The following FHIT variants were observed in gnomAD, a reference collection of about 807,000 sequenced individuals.
The protein encoded by FHIT is bis(5'-adenosyl)-triphosphatase.
Under a neutral mutation model 17.9 loss-of-function variants are expected in FHIT, and 19 were observed. That is an observed-to-expected ratio of 1.06 (90% CI 0.74 to 1.56). The LOEUF (loss-of-function observed/expected upper bound fraction) is 1.56. Among genes scored for constraint, FHIT ranks in the 40% most tolerant of loss-of-function variants. The pLI is 0.00. For missense variants in FHIT, 248 were observed against 189.2 expected (o/e 1.31, Z -1.82); for synonymous variants, 81 against 69.7 (o/e 1.16, Z -0.81).
At chr3:60,540,139 C>T (rs1453824053) in intron 4 of FHIT, among the ~76,000 whole-genome samples, 1 of 151,944 alleles carries the variant, frequency 6.6e-6, no homozygotes, top group African/African-American at 2.4e-5. Flanking sequence ...TGTAAAAACC[C>T]AGAAGAACAG....
At chr3:60,214,886 G>C (rs552875968) in intron 5 of FHIT, among the ~76,000 whole-genome samples, 54 of 152,210 alleles carry the variant, frequency 3.5e-4, no homozygotes, top group African/African-American at 1.2e-3. Context: ...TGCAGCTGGA[G>C]GCCATTATCC....
At position 61,116,173 on chromosome 3, in the gene FHIT, C is replaced by G. The variant is rs568386066; in HGVS notation, c.-163-74074G>C. Among the ~76,000 whole-genome samples, 27 of 151,862 alleles carry G rather than the reference C, an allele frequency of 1.8e-4. No individual in the cohort carries two copies. The East Asian group carries it at 4.3e-3, about 24-fold the overall frequency. ...TAGAATGACAAAAGCAAATGATCCT[C>G]GGGTCTTGGTGGTGCCATCTTAAGT... On this transcript the variant is annotated intron_variant, in intron 2 of 9. Coordinates refer to ENST00000492590, the MANE Select transcript of FHIT (RefSeq NM_002012.4).
intron 4 of FHIT, among the ~76,000 whole-genome samples, chr3:60,582,202 G>A (rs1020417084): frequency 7.9e-5 from 12 of 151,986 alleles, no homozygotes; most frequent in African/African-American, 2.9e-4. Flanking sequence ...ATATTTTTAA[G>A]CTTCTTAGTT....
chr3:59,815,215 C>T lies in FHIT; in HGVS notation c.349-62894G>A, dbSNP rs1479135462. Among the ~76,000 whole-genome samples the T allele has an allele frequency of 2.0e-5, 3 of 152,048 alleles. No individual in the cohort carries two copies. The East Asian group carries it at 5.8e-4, about 29-fold the overall frequency. On this transcript the variant is annotated intron_variant, in intron 8 of 9. Coordinates refer to ENST00000492590, the MANE Select transcript of FHIT (RefSeq NM_002012.4). ...TTTTAACTTCAGCTTTGGCCTGGAG[C>T]TGCAGCCCAGGCCACTATGGAAGGA...
chr3:59,950,363 A>G (rs1256632853), intron 7 of FHIT, among the ~76,000 whole-genome samples: 1 of 152,062 alleles, frequency 6.6e-6, no homozygotes, highest in African/African-American at 2.4e-5. Context: ...CCCTGTTCAC[A>G]TGTACCAGCC....
intron 3 of FHIT, among the ~76,000 whole-genome samples, chr3:61,026,775 T>C (rs1024638473): frequency 3.3e-5 from 5 of 152,166 alleles, no homozygotes; most frequent in Admixed American, 1.3e-4. Flanking sequence ...AAGCTTACAA[T>C]GAGCTTTAAC....
chr3:59,875,162 G>A (rs776658912), intron 8 of FHIT, among the ~76,000 whole-genome samples: 1 of 152,172 alleles, frequency 6.6e-6, no homozygotes, highest in African/African-American at 2.4e-5. Flanking sequence ...CACGTCTGCA[G>A]GGGCCTCAGA....
At chr3:60,430,166 C>T (rs917361284) in intron 5 of FHIT, among the ~76,000 whole-genome samples, 3 of 152,030 alleles carry the variant, frequency 2.0e-5, no homozygotes, top group African/African-American at 7.2e-5. Flanking sequence ...CCCTCAGCTG[C>T]TCTGTGGAGC....
intron 5 of FHIT, among the ~76,000 whole-genome samples, chr3:60,531,923 T>A (rs369182855): frequency 5.6e-4 from 85 of 152,344 alleles, no homozygotes; most frequent in African/African-American, 2.0e-3. Context: ...CTTGGAGCAC[T>A]GTTTGCATGG....
At chr3:60,324,478 G>C (rs1004331806) in intron 5 of FHIT, among the ~76,000 whole-genome samples, 1 of 151,720 alleles carries the variant, frequency 6.6e-6, no homozygotes, top group Non-Finnish European at 1.5e-5. Flanking sequence ...CCAGCTGCTC[G>C]GGATGCTGAG....
chr3:61,202,194 G>C (rs1240485705), intron 1 of FHIT, among the ~76,000 whole-genome samples: 1 of 152,116 alleles, frequency 6.6e-6, no homozygotes, highest in Non-Finnish European at 1.5e-5. Context: ...GGGAAGTGAG[G>C]AGCCCCTCTG....
In FHIT at chr3:60,999,172, A is replaced by AC. The variant is rs149860902; in HGVS notation, c.-111+42874dup. ...ACAAATAAACTCAGACTAGAGAGCC[A>AC]CATGGAGAATACAATGCTAGGGATA... On this transcript the variant is annotated intron_variant, in intron 3 of 9. Coordinates refer to ENST00000492590, the MANE Select transcript of FHIT (RefSeq NM_002012.4). 1.6e-3 allele frequency among the ~76,000 whole-genome samples: 237 copies of AC among 152,298 alleles called. 4 individuals are homozygous for AC. The East Asian group carries it at 0.039, about 25-fold the overall frequency.
intron 2 of FHIT, among the ~76,000 whole-genome samples, chr3:61,190,603 A>G (rs2038682830): frequency 6.6e-6 from 1 of 152,210 alleles, no homozygotes; most frequent in Admixed American, 6.5e-5. Flanking sequence ...AGGATTATAA[A>G]TCATGCTGCT....
Position 61,212,980 on chromosome 3 carries a change from T to A in FHIT, c.-212-12315A>T, listed in dbSNP as rs567490806. Among the ~76,000 whole-genome samples the A allele has an allele frequency of 3.5e-4, 54 of 152,256 alleles. No individual in the cohort carries two copies. In the East Asian group the frequency reaches 9.3e-3, roughly 26 times the overall value. On this transcript the variant is annotated intron_variant, in intron 1 of 9. Coordinates refer to ENST00000492590, the MANE Select transcript of FHIT (RefSeq NM_002012.4). ...TGAGAGATTTTCTCACCACCAGGCCTGCCCTAAAAGAGCTCCTGAAGGAAG... is the reference window on the plus strand; with the variant it reads ...TGAGAGATTTTCTCACCACCAGGCCAGCCCTAAAAGAGCTCCTGAAGGAAG...
chr3:60,285,051 T>C (rs1440866441), intron 5 of FHIT, among the ~76,000 whole-genome samples: 1 of 152,156 alleles, frequency 6.6e-6, no homozygotes, highest in East Asian at 1.9e-4. Context: ...GTATAAAACC[T>C]AGTAATTTTA....
At chr3:60,497,195 A>G (rs2034335869) in intron 5 of FHIT, among the ~76,000 whole-genome samples, 1 of 152,040 alleles carries the variant, frequency 6.6e-6, no homozygotes, top group African/African-American at 2.4e-5. Context: ...AGCCCCCACA[A>G]GAAAGTAGTT....
intron 5 of FHIT, among the ~76,000 whole-genome samples, chr3:60,439,854 C>A (rs972090803): frequency 1.3e-5 from 2 of 152,074 alleles, no homozygotes; most frequent in Admixed American, 6.6e-5. Flanking sequence ...CAAAAGTACA[C>A]CCCTTCTTTC....
chr3:59,870,341 A>C (rs917401902), intron 8 of FHIT, among the ~76,000 whole-genome samples: 8 of 152,242 alleles, frequency 5.3e-5, no homozygotes, highest in African/African-American at 1.9e-4. Context: ...CAACAGACCT[A>C]GTTTGCCCTG....
intron 4 of FHIT, among the ~76,000 whole-genome samples, chr3:60,606,782 A>T (rs9841152): frequency 0.018 from 2,673 of 152,200 alleles, 89 homozygotes; most frequent in African/African-American, 0.062. Context: ...CATTGCTGTA[A>T]TGGCTTCTTA....
Sources: allele counts gnomAD v4.1 joint callset (sites outside exome capture counted in the v4.1 genomes callset), GRCh38; gene constraint gnomAD v4.1.1; transcripts MANE v1.5; gene names NCBI Gene and HGNC (gene_info 2026-07-23, HGNC 2026-07-21).